Variants in TMEM117 observed in about 807,000 individuals in gnomAD.
TMEM117 encodes transmembrane protein 117.
TMEM117 carries 27 observed loss-of-function variants against 52.4 expected under a neutral mutation model. That is an observed-to-expected ratio of 0.51 (90% CI 0.38 to 0.71). TMEM117 has a LOEUF of 0.71. Ranked by LOEUF, TMEM117 falls within the 30% of genes least tolerant of loss-of-function variation. The pLI is 0.00. For missense variants in TMEM117, 556 were observed against 630.5 expected (o/e 0.88, Z 1.26); for synonymous variants, 215 against 206.3 (o/e 1.04, Z -0.36).
intron 3 of TMEM117, chr12:44,073,521 A>G (rs903563179): frequency 2.0e-5 from 3 of 152,218 alleles, no homozygotes; most frequent in Non-Finnish European, 2.9e-5. Context: ...AGGTTTTCCA[A>G]CTGCTCTCAA....
Position 44,356,566 on chromosome 12 carries a change from C to T in TMEM117, c.769-20029C>T, listed in dbSNP as rs144833680. On this transcript the variant is annotated intron_variant, in intron 6 of 7. Transcript: ENST00000266534. Reference sequence around the variant, plus strand: ...TTTCCAGCTGTCTTCTGTATATTCCCACCTGAAGATGTTATTACCTTATAA... The same window carrying T: ...TTTCCAGCTGTCTTCTGTATATTCCTACCTGAAGATGTTATTACCTTATAA... 2.0e-3 allele frequency among the ~76,000 whole-genome samples: 299 copies of T among 152,190 alleles called. 3 individuals carry two copies. Among genetic ancestry groups the T allele is most frequent in the African/African-American group, 6.5e-3 (268 of 41,540 alleles).
intron 2 of TMEM117, among the ~76,000 whole-genome samples, chr12:43,885,898 G>A (rs995727958): frequency 6.6e-6 from 1 of 152,176 alleles, no homozygotes; most frequent in Non-Finnish European, 1.5e-5. Context: ...GTACGGACAA[G>A]AGAATAAGCA....
intron 4 of TMEM117, among the ~76,000 whole-genome samples, chr12:44,171,181 A>G (rs1207844754): frequency 1.3e-5 from 2 of 151,740 alleles, no homozygotes; most frequent in East Asian, 3.9e-4. Context: ...ACGCCCGGCT[A>G]ATTTTTTGTA....
At position 43,887,057 on chromosome 12, in the gene TMEM117, G is replaced by C. The variant is rs762874175; in HGVS notation, c.277+42129G>C. On this transcript the variant is annotated intron_variant, in intron 2 of 7. Transcript: ENST00000266534. Reference sequence around the variant, plus strand: ...AGAGATGGGGTTTTACCATGTTGGTGAGGCTGGTCTCGAGCTCCTGACCTC... The same window carrying C: ...AGAGATGGGGTTTTACCATGTTGGTCAGGCTGGTCTCGAGCTCCTGACCTC... 3.0e-4 allele frequency among the ~76,000 whole-genome samples: 45 copies of C among 152,228 alleles called. 1 individual carries two copies. Among genetic ancestry groups the C allele is most frequent in the African/African-American group, 6.5e-4 (27 of 41,546 alleles).
chr12:43,810,036 T>C, the TMEM117 span, among the ~76,000 whole-genome samples: 8 of 152,368 alleles, frequency 5.3e-5, no homozygotes, highest in East Asian at 1.3e-3. Flanking sequence ...TGAAGTAATA[T>C]TAATAAATGA....
chr12:44,066,361 T>A lies in TMEM117; in HGVS notation c.411-77164T>A, dbSNP rs187086723. On this transcript the variant is annotated intron_variant, in intron 3 of 7. Coordinates refer to ENST00000266534, the MANE Select transcript of TMEM117 (RefSeq NM_032256.3). ...GCATTCTCTGAAACTGTTTGTAGAG[T>A]TGTTGAATTTCCTGTTGACTTTGTG... Among the ~76,000 whole-genome samples, 11 of 152,174 alleles carry A rather than the reference T, an allele frequency of 7.2e-5. No individual in the cohort carries two copies. In the East Asian group the frequency reaches 1.7e-3, roughly 24 times the overall value.
chr12:44,379,330 T>C lies in TMEM117; in HGVS notation c.898+2606T>C, dbSNP rs556474242. On this transcript the variant is annotated intron_variant, in intron 7 of 7. Transcript: ENST00000266534. ...ATGATGGCACCACTGCACTCCAGCCTGGGCAACAGAGCCAGATCCTGTCTC... is the reference window on the plus strand; with the variant it reads ...ATGATGGCACCACTGCACTCCAGCCCGGGCAACAGAGCCAGATCCTGTCTC... Among the ~76,000 whole-genome samples, 7 of 152,198 alleles carry C rather than the reference T, an allele frequency of 4.6e-5. No individual in the cohort carries two copies. In the South Asian group the frequency reaches 1.2e-3, roughly 27 times the overall value.
chr12:43,898,343 A>G (rs1243643904), intron 2 of TMEM117, among the ~76,000 whole-genome samples: 1 of 149,682 alleles, frequency 6.7e-6, no homozygotes, highest in Non-Finnish European at 1.5e-5. Flanking sequence ...GACTTTCAGG[A>G]TATATTGTGA....
chr12:44,120,805 T>C (rs1363082246), intron 3 of TMEM117, among the ~76,000 whole-genome samples: 2 of 152,184 alleles, frequency 1.3e-5, no homozygotes, highest in African/African-American at 4.8e-5. Flanking sequence ...ATAGCAACCA[T>C]AGTTAAGAGG....
At chr12:44,284,305 C>T (rs1025469054) in intron 5 of TMEM117, among the ~76,000 whole-genome samples, 6 of 151,880 alleles carry the variant, frequency 4.0e-5, no homozygotes, top group African/African-American at 7.2e-5. Context: ...AGCGAGACTC[C>T]GTCTCAAAAA....
the TMEM117 span, among the ~76,000 whole-genome samples, chr12:44,395,408 T>C: frequency 6.6e-6 from 1 of 152,312 alleles, no homozygotes; most frequent in South Asian, 2.1e-4. Flanking sequence ...CAATTAATCT[T>C]AATTGGTCTT....
At chr12:43,803,288 A>G in the TMEM117 span, among the ~76,000 whole-genome samples, 3 of 152,208 alleles carry the variant, frequency 2.0e-5, no homozygotes, top group African/African-American at 4.8e-5. Context: ...TTAGGGATAC[A>G]TGTAAAAACA....
intron 5 of TMEM117, among the ~76,000 whole-genome samples, chr12:44,213,790 A>T (rs1484204585): frequency 6.6e-6 from 1 of 152,126 alleles, no homozygotes; most frequent in African/African-American, 2.4e-5. Context: ...CTGTGATTGT[A>T]AGTTTTCTGA....
intron 3 of TMEM117, among the ~76,000 whole-genome samples, chr12:43,972,599 A>C (rs934873403): frequency 1.3e-5 from 2 of 151,936 alleles, no homozygotes; most frequent in Non-Finnish European, 2.9e-5. Context: ...CATTTTACAG[A>C]GCGCTGATTG....
chr12:44,355,554 C>A (rs1315019741), intron 6 of TMEM117, among the ~76,000 whole-genome samples: 1 of 151,942 alleles, frequency 6.6e-6, no homozygotes, highest in Non-Finnish European at 1.5e-5. Flanking sequence ...CATCCTATGG[C>A]AATAGAGAGT....
chr12:44,177,138 T>C (rs1949126662), intron 4 of TMEM117, among the ~76,000 whole-genome samples: 1 of 152,124 alleles, frequency 6.6e-6, no homozygotes, highest in Non-Finnish European at 1.5e-5. Flanking sequence ...GGGCATTCAA[T>C]TTACGGTGCA....
chr12:43,876,424 C>T (rs970704182), intron 2 of TMEM117, among the ~76,000 whole-genome samples: 3 of 152,044 alleles, frequency 2.0e-5, no homozygotes, highest in African/African-American at 7.2e-5. Flanking sequence ...TTCAAGATGT[C>T]GTTTTCTAGG....
At chr12:44,126,026 G>C (rs1948318977) in intron 3 of TMEM117, among the ~76,000 whole-genome samples, 1 of 152,080 alleles carries the variant, frequency 6.6e-6, no homozygotes, top group African/African-American at 2.4e-5. Context: ...TATGGTTTGA[G>C]TGAATTTCTT....
At chr12:44,181,397 C>G (rs920631531) in intron 4 of TMEM117, among the ~76,000 whole-genome samples, 12 of 151,966 alleles carry the variant, frequency 7.9e-5, no homozygotes, top group African/African-American at 2.7e-4. Context: ...GTTGCCATTG[C>G]TTTTGGTGTT....
Sources: gnomAD v4.1 joint callset for allele counts (sites outside exome capture counted in the v4.1 genomes callset) on GRCh38, gnomAD v4.1.1 for gene constraint, MANE v1.5 for transcripts, NCBI Gene and HGNC (gene_info 2026-07-23, HGNC 2026-07-21) for gene names.